Variants in MCC observed in about 807,000 individuals in gnomAD.
MCC encodes colorectal mutant cancer protein.
MCC carries 90 observed loss-of-function variants against 116.2 expected under a neutral mutation model. That is an observed-to-expected ratio of 0.77 (90% CI 0.65 to 0.92). The LOEUF is 0.92. MCC is among the 40% of genes least tolerant of loss of function. The probability of loss-of-function intolerance (pLI) is 0.00; values close to 1 mark genes in which losing one functional copy is unlikely to be tolerated. For missense variants in MCC, 1,516 were observed against 1,312.2 expected (o/e 1.16, Z -2.40); for synonymous variants, 578 against 510.5 (o/e 1.13, Z -1.78).
At chr5:113,094,152 T>A (rs1755850241) in intron 8 of MCC, among the ~76,000 whole-genome samples, 2 of 152,206 alleles carry the variant, frequency 1.3e-5, no homozygotes, top group Admixed American at 6.5e-5. Context: ...ATAATCAGAA[T>A]CTATTTACAG....
chr5:113,321,491 G>A (rs547630436), intron 3 of MCC, among the ~76,000 whole-genome samples: 2 of 152,298 alleles, frequency 1.3e-5, no homozygotes, highest in African/African-American at 4.8e-5. Flanking sequence ...CATAAACCAG[G>A]CAAGTGCGGA....
intron 5 of MCC, 51 bp from the exon 6 acceptor site, chr5:113,122,877 C>T (rs1037203558): frequency 1.3e-6 from 2 of 1,575,224 alleles, no homozygotes; most frequent in Non-Finnish European, 1.7e-6. Flanking sequence ...TAAGACAACC[C>T]CCTAGAGAAT....
chr5:113,403,298 C>T (rs929720717), intron 1 of MCC, among the ~76,000 whole-genome samples: 15 of 152,136 alleles, frequency 9.9e-5, no homozygotes, highest in Admixed American at 5.9e-4. Context: ...ACTGTAAGAA[C>T]ATTTAAGTCT....
intron 17 of MCC, among the ~76,000 whole-genome samples, chr5:113,037,930 T>G (rs1041815487): frequency 5.3e-5 from 8 of 152,206 alleles, no homozygotes; most frequent in Non-Finnish European, 1.2e-4. Context: ...CGGACAATCT[T>G]GAGTGCCAAG....
intron 2 of MCC, among the ~76,000 whole-genome samples, chr5:113,373,895 T>TTTTG (rs1554079592): frequency 6.9e-6 from 1 of 143,902 alleles, no homozygotes; most frequent in African/African-American, 2.6e-5. Flanking sequence ...GAAGCTGAGG[T>TTTTG]TTTTTGTTTT....
chr5:113,199,143 G>T (rs1455597857), intron 3 of MCC, among the ~76,000 whole-genome samples: 1 of 152,054 alleles, frequency 6.6e-6, no homozygotes, highest in East Asian at 1.9e-4. Flanking sequence ...ACTCCATCCA[G>T]CCTAGGTGAC....
chr5:113,329,941 G>A (rs1231485608), intron 3 of MCC, among the ~76,000 whole-genome samples: 2 of 152,220 alleles, frequency 1.3e-5, no homozygotes, highest in South Asian at 2.1e-4. Flanking sequence ...GGGGGCAGCA[G>A]TGCAGTCATC....
At chr5:113,278,393 C>T (rs564268263) in intron 3 of MCC, among the ~76,000 whole-genome samples, 1 of 152,254 alleles carries the variant, frequency 6.6e-6, no homozygotes, top group Non-Finnish European at 1.5e-5. Context: ...TGAATAACAG[C>T]CATTGTGGTA....
chr5:113,221,865 T>C (rs1161301010), intron 3 of MCC, among the ~76,000 whole-genome samples: 3 of 151,460 alleles, frequency 2.0e-5, no homozygotes, highest in African/African-American at 7.3e-5. Context: ...ATTTGAGTAA[T>C]AATACAACTC....
intron 3 of MCC, chr5:113,294,626 G>A (rs1766650856): frequency 1.8e-6 from 2 of 1,138,690 alleles, no homozygotes; most frequent in Non-Finnish European, 2.1e-6. Context: ...CGGCGCGCTC[G>A]CAGCTGCGGC....
Position 113,148,106 on chromosome 5 carries a change from T to C in MCC, c.741+3203A>G, listed in dbSNP as rs181558854. Among the ~76,000 whole-genome samples, 14 of 152,352 alleles carry C rather than the reference T, an allele frequency of 9.2e-5. No individual in the cohort carries two copies. The East Asian group carries it at 2.5e-3, about 27-fold the overall frequency. On this transcript the variant is annotated intron_variant, in intron 4 of 18. Transcript: ENST00000408903. ...AAAATAATTGTTGGTACTAAATAAATAGCAAATATGCTGAAAGCATCAAAT... is the reference window on the plus strand; with the variant it reads ...AAAATAATTGTTGGTACTAAATAAACAGCAAATATGCTGAAAGCATCAAAT...
intron 6 of MCC, among the ~76,000 whole-genome samples, chr5:113,107,697 G>A (rs548496856): frequency 6.6e-6 from 1 of 152,294 alleles, no homozygotes; most frequent in African/African-American, 2.4e-5. Flanking sequence ...TGCATTAAGT[G>A]CTCATGAGTG....
intron 5 of MCC, among the ~76,000 whole-genome samples, chr5:113,137,505 A>G (rs1758911972): frequency 6.6e-6 from 1 of 152,076 alleles, no homozygotes; most frequent in Non-Finnish European, 1.5e-5. Context: ...ATTTATTTGC[A>G]TATGTTGAAT....
intron 18 of MCC, among the ~76,000 whole-genome samples, chr5:113,028,284 T>C (rs1262475094): frequency 6.6e-6 from 1 of 152,238 alleles, no homozygotes; most frequent in Non-Finnish European, 1.5e-5. Context: ...AACCTAGCTG[T>C]CTTCTATTAA....
chr5:113,132,262 A>G (rs1191068841), intron 5 of MCC, among the ~76,000 whole-genome samples: 1 of 151,268 alleles, frequency 6.6e-6, no homozygotes, highest in Non-Finnish European at 1.5e-5. Flanking sequence ...CCACCTAGAT[A>G]TCATGTAACC....
intron 3 of MCC, among the ~76,000 whole-genome samples, chr5:113,154,817 G>T (rs1456230257): frequency 5.9e-5 from 9 of 152,146 alleles, no homozygotes; most frequent in Non-Finnish European, 1.0e-4. Flanking sequence ...TTTGATGCAT[G>T]CATACAATGT....
chr5:113,084,409 G>C lies in MCC; in HGVS notation c.1546-219C>G, dbSNP rs111295461. 3.6e-4 allele frequency among the ~76,000 whole-genome samples: 55 copies of C among 152,314 alleles called. 2 individuals carry two copies. The highest frequency in any genetic ancestry group is 1.3e-3 in the African/African-American group (52 of 41,564). On this transcript the variant is annotated intron_variant, in intron 9 of 18. Coordinates refer to ENST00000408903, the MANE Select transcript of MCC (RefSeq NM_001085377.2). ...GGCTTGGATAATTCTTTTTATGGGG[G>C]TCTGTCCTGTGCATTGTAGGACATT...
At chr5:113,137,276 T>C (rs762278118) in intron 5 of MCC, among the ~76,000 whole-genome samples, 6 of 152,084 alleles carry the variant, frequency 3.9e-5, no homozygotes, top group Non-Finnish European at 7.4e-5. Context: ...ATCATAAGAA[T>C]AGAATGGAAG....
intron 3 of MCC, among the ~76,000 whole-genome samples, chr5:113,334,590 A>ATTTTTTTT (rs58288026): frequency 8.3e-6 from 1 of 120,886 alleles, no homozygotes; most frequent in Non-Finnish European, 1.6e-5. Context: ...CTGATTTCTG[A>ATTTTTTTT]TTTTTTTTTT....
Sources: allele counts gnomAD v4.1 joint callset (sites outside exome capture counted in the v4.1 genomes callset), GRCh38; gene constraint gnomAD v4.1.1; transcripts MANE v1.5; gene names NCBI Gene and HGNC (gene_info 2026-07-23, HGNC 2026-07-21).